Variants in NEO1 observed in about 807,000 individuals in gnomAD.
The protein encoded by NEO1 is neogenin.
A neutral mutation model predicts 159.7 loss-of-function variants in NEO1; 63 were observed. That is an observed-to-expected ratio of 0.39 (90% confidence interval 0.32 to 0.49). NEO1 has a LOEUF of 0.49. Among genes scored for constraint, NEO1 ranks in the 20% least tolerant of loss-of-function variants. NEO1 has a pLI of 0.85. For synonymous variants in NEO1, 633 were observed against 662.0 expected, an observed-to-expected ratio of 0.96 and a Z score of 0.67; for missense variants, 1,615 against 1,831.0, an observed-to-expected ratio of 0.88 and a Z score of 2.15.
intron 5 of NEO1, among the ~76,000 whole-genome samples, chr15:73,171,925 G>A (rs2151936613): frequency 6.6e-6 from 1 of 152,192 alleles, no homozygotes; most frequent in East Asian, 1.9e-4. Flanking sequence ...ACAGGCGTGA[G>A]CCACCATGCC....
At chr15:73,291,039 C>T (rs1596621337) in intron 25 of NEO1, among the ~76,000 whole-genome samples, 2 of 152,138 alleles carry the variant, frequency 1.3e-5, no homozygotes, top group East Asian at 3.9e-4. Flanking sequence ...GTAGCTTATG[C>T]TTGTGGTCCT....
chr15:73,174,668 C>T (rs2035179437), intron 5 of NEO1, among the ~76,000 whole-genome samples: 1 of 152,084 alleles, frequency 6.6e-6, no homozygotes, highest in Admixed American at 6.6e-5. Context: ...TCCACTACTG[C>T]AAAGAAGGAC....
chr15:73,298,611 G>A lies in NEO1; in HGVS notation c.4165G>A (p.Ala1389Thr). Reference protein sequence around the residue: ...LPSTPLLSQQALNHHIHSVKT... With the variant: ...LPSTPLLSQQTLNHHIHSVKT... ...AAGCACACCATTACTGTCCCAGCAA[G>A]GTGAGTGAGGATGGCAGCACACCTG... Residue 1389 changes from alanine (A) to threonine (T), a missense_variant and splice_region_variant, in exon 27 of 29, where the codon GCT (alanine) becomes ACT (threonine). Physicochemically the swap from Ala to Thr is moderately conservative, Grantham distance 58 (BLOSUM62 0). Coordinates refer to ENST00000261908, the MANE Select transcript of NEO1 (RefSeq NM_002499.4). The A allele has an allele frequency of 6.2e-7, 1 of 1,614,108 alleles. No individual in the cohort carries two copies. Among genetic ancestry groups the A allele is most frequent in the Non-Finnish European group, 8.5e-7 (1 of 1,179,972 alleles).
chr15:73,069,125 A>ATTTTTTT (rs962027800), intron 1 of NEO1, among the ~76,000 whole-genome samples: 7 of 105,412 alleles, frequency 6.6e-5, no homozygotes, highest in East Asian at 2.5e-4. Flanking sequence ...TAATTTTTGT[A>ATTTTTTT]TTTTTTTTTT....
chr15:73,261,764 C>CT (rs1436479467), intron 15 of NEO1, among the ~76,000 whole-genome samples: 1 of 152,056 alleles, frequency 6.6e-6, no homozygotes, highest in African/African-American at 2.4e-5. Flanking sequence ...TCACAATAGG[C>CT]TTTTTTGTAG....
intron 1 of NEO1, among the ~76,000 whole-genome samples, chr15:73,082,833 A>C (rs75161420): frequency 0.31 from 47,763 of 152,036 alleles, 9,137 homozygotes; most frequent in Admixed American, 0.45. Flanking sequence ...AAGGGCCATA[A>C]AGGAGAAGTG....
chr15:73,280,353 C>T (rs968675222), intron 22 of NEO1, among the ~76,000 whole-genome samples: 1 of 152,030 alleles, frequency 6.6e-6, no homozygotes, highest in Non-Finnish European at 1.5e-5. Context: ...ATATATTGTC[C>T]CTGGTAGGAC....
chr15:73,073,463 A>G (rs182880909), intron 1 of NEO1, among the ~76,000 whole-genome samples: 13 of 152,100 alleles, frequency 8.5e-5, no homozygotes, highest in Non-Finnish European at 1.8e-4. Flanking sequence ...TGTTTAATGG[A>G]TGAGATTCTG....
intron 16 of NEO1, among the ~76,000 whole-genome samples, chr15:73,268,037 G>A (rs1309033275): frequency 2.6e-5 from 4 of 152,024 alleles, no homozygotes; most frequent in African/African-American, 4.8e-5. Context: ...CTTTATTTGG[G>A]TGTGAGCTAT....
intron 1 of NEO1, among the ~76,000 whole-genome samples, chr15:73,081,791 G>A (rs1404866232): frequency 6.6e-6 from 1 of 151,582 alleles, no homozygotes; most frequent in East Asian, 1.9e-4. Flanking sequence ...GCCCAGGCTG[G>A]TCTTGAGCTC....
intron 1 of NEO1, among the ~76,000 whole-genome samples, chr15:73,053,296 G>T (rs959346609): frequency 9.2e-5 from 14 of 152,146 alleles, no homozygotes; most frequent in Admixed American, 7.9e-4. Context: ...GGCTAGTCTC[G>T]AGGGACTCCT....
At chr15:73,065,782 A>C (rs1024467177) in intron 1 of NEO1, among the ~76,000 whole-genome samples, 8 of 152,086 alleles carry the variant, frequency 5.3e-5, no homozygotes, top group Non-Finnish European at 8.8e-5. Context: ...TAATCCCTTC[A>C]AATATTTTTT....
At chr15:73,099,744 C>T (rs2070292772) in intron 1 of NEO1, among the ~76,000 whole-genome samples, 1 of 152,086 alleles carries the variant, frequency 6.6e-6, no homozygotes, top group Admixed American at 6.6e-5. Flanking sequence ...CATATGGGTA[C>T]TTGAATAAAA....
At chr15:73,297,480 A>G (rs1279526755) in intron 26 of NEO1, among the ~76,000 whole-genome samples, 1 of 152,194 alleles carries the variant, frequency 6.6e-6, no homozygotes, top group East Asian at 1.9e-4. Flanking sequence ...ATCCTCAAAG[A>G]ATTATGTGTT....
intron 7 of NEO1, among the ~76,000 whole-genome samples, chr15:73,220,108 G>A (rs1452226070): frequency 2.0e-5 from 3 of 152,016 alleles, no homozygotes; most frequent in African/African-American, 7.2e-5. Context: ...AGCTCTTTTA[G>A]GGCAGGCCTT....
At chr15:73,090,938 C>T (rs1023596640) in intron 1 of NEO1, among the ~76,000 whole-genome samples, 5 of 152,062 alleles carry the variant, frequency 3.3e-5, no homozygotes, top group African/African-American at 1.2e-4. Flanking sequence ...AGACTTAATC[C>T]TCCCAATTGC....
chr15:73,052,637 G>T lies in NEO1; in HGVS notation c.-39G>T. Reference sequence around the variant, plus strand: ...GAGGGAAGGAGGCAAGGGCTCCGCGGCGCTGTCGCCGCCGCTGCCGCTCAC... The same window carrying T: ...GAGGGAAGGAGGCAAGGGCTCCGCGTCGCTGTCGCCGCCGCTGCCGCTCAC... On this transcript the variant is annotated 5_prime_UTR_variant, in exon 1 of 29. Transcript: ENST00000261908. 8.2e-7 allele frequency: 1 copy of T among 1,215,968 alleles called. No homozygotes were observed. Among genetic ancestry groups the T allele is most frequent in the Non-Finnish European group, 1.0e-6 (1 of 971,408 alleles). The allele number at this position is 1,215,968 out of a possible 1,614,324, so 75.3% of individuals were successfully genotyped here.
intron 7 of NEO1, among the ~76,000 whole-genome samples, chr15:73,204,398 T>A (rs1434778998): frequency 6.6e-6 from 1 of 152,184 alleles, no homozygotes; most frequent in Non-Finnish European, 1.5e-5. Flanking sequence ...CTTTATTCTC[T>A]CTTCTCTGAT....
chr15:73,065,812 GA>G (rs1475232813), intron 1 of NEO1, among the ~76,000 whole-genome samples: 1 of 152,002 alleles, frequency 6.6e-6, no homozygotes, highest in Non-Finnish European at 1.5e-5. Context: ...AATTCCATTA[GA>G]ATTTAGTTCA....
Sources: gnomAD v4.1 joint callset for allele counts (sites outside exome capture counted in the v4.1 genomes callset) on GRCh38, gnomAD v4.1.1 for gene constraint, MANE v1.5 for transcripts, NCBI Gene and HGNC (gene_info 2026-07-23, HGNC 2026-07-21) for gene names.